Variants in HDAC9 observed in about 807,000 individuals in gnomAD.
HDAC9 encodes histone deacetylase 9, also known as MEF-2 interacting transcription repressor (MITR) protein.
Under a neutral mutation model 139.4 loss-of-function variants are expected in HDAC9, and 41 were observed. The observed-to-expected ratio is 0.29, with a 90% CI of 0.23 to 0.38. The LOEUF (loss-of-function observed/expected upper bound fraction) is 0.38, where lower values mean the gene tolerates loss of function less well. Among genes scored for constraint, HDAC9 ranks in the 10% least tolerant of loss-of-function variants. The pLI is 1.00. For missense variants in HDAC9, 1,147 were observed against 1,297.0 expected (o/e 0.88, Z 1.78); for synonymous variants, 517 against 476.2 (o/e 1.09, Z -1.12).
intron 1 of HDAC9, among the ~76,000 whole-genome samples, chr7:18,145,831 CTAGA>C (rs1390348344): frequency 3.3e-5 from 5 of 152,008 alleles, no homozygotes; most frequent in African/African-American, 1.2e-4. Context: ...GCAAAGTAGC[CTAGA>C]TAGTTTCAGA....
chr7:18,994,013 G>C (rs1010829462), intron 25 of HDAC9, among the ~76,000 whole-genome samples: 2 of 152,162 alleles, frequency 1.3e-5, no homozygotes, highest in African/African-American at 4.8e-5. Context: ...CAACCAAAGA[G>C]GCTTAATTTT....
chr7:18,309,208 C>T (rs906449770), intron 1 of HDAC9, among the ~76,000 whole-genome samples: 5 of 152,134 alleles, frequency 3.3e-5, no homozygotes, highest in East Asian at 1.9e-4. Context: ...AAGGTACACT[C>T]GTCCTTGGTT....
rs1785453986 is a variant in HDAC9, at chr7:18,987,401, A to AT, written c.3171-8621dup. 2.6e-5 allele frequency among the ~76,000 whole-genome samples: 4 copies of AT among 152,226 alleles called. No individual in the cohort carries two copies. The South Asian group carries it at 6.2e-4, about 24-fold the overall frequency. The stretch of plus-strand genomic sequence containing the variant: ...TTTGCATATATTGAACCAGCCTTGC[A>AT]TCCCAGGAATGAAGCCCACTTGATC... On this transcript the variant is annotated intron_variant, in intron 25 of 25. Transcript: ENST00000686413.
At chr7:18,623,285 G>A (rs910603166) in intron 6 of HDAC9, among the ~76,000 whole-genome samples, 3 of 152,112 alleles carry the variant, frequency 2.0e-5, no homozygotes, top group African/African-American at 7.2e-5. Flanking sequence ...AGAAAAATAT[G>A]TGAAGTCAGT....
At chr7:18,317,376 G>A (rs1478765485) in intron 1 of HDAC9, among the ~76,000 whole-genome samples, 1 of 152,052 alleles carries the variant, frequency 6.6e-6, no homozygotes, top group African/African-American at 2.4e-5. Flanking sequence ...ATTCTAAAAA[G>A]TGAATTTATT....
chr7:18,688,856 T>G (rs1782469032), intron 12 of HDAC9, among the ~76,000 whole-genome samples: 1 of 151,926 alleles, frequency 6.6e-6, no homozygotes, highest in Admixed American at 6.6e-5. Flanking sequence ...TAAATATCTT[T>G]CCATGAGACA....
At chr7:18,648,922 G>A (rs1272733269) in intron 11 of HDAC9, among the ~76,000 whole-genome samples, 1 of 152,174 alleles carries the variant, frequency 6.6e-6, no homozygotes, top group African/African-American at 2.4e-5. Flanking sequence ...ATCTTTTTAT[G>A]ATCAGGTATA....
At chr7:18,109,848 A>G (rs1190404687) in intron 1 of HDAC9, among the ~76,000 whole-genome samples, 2 of 152,104 alleles carry the variant, frequency 1.3e-5, no homozygotes, top group Non-Finnish European at 2.9e-5. Context: ...ACTTTTTGTG[A>G]TTCTCCCTCT....
At chr7:18,583,481 A>T (rs1828451823) in intron 2 of HDAC9, among the ~76,000 whole-genome samples, 1 of 151,966 alleles carries the variant, frequency 6.6e-6, no homozygotes, top group East Asian at 1.9e-4. Flanking sequence ...AGAACTTGGG[A>T]GCTCAGGCAG....
intron 12 of HDAC9, among the ~76,000 whole-genome samples, chr7:18,709,392 C>A (rs1343393397): frequency 6.6e-6 from 1 of 152,172 alleles, no homozygotes; most frequent in African/African-American, 2.4e-5. Context: ...CTTTTTATGG[C>A]TGCATAGTAT....
chr7:18,859,963 G>A (rs1163106855), intron 21 of HDAC9, among the ~76,000 whole-genome samples: 1 of 150,232 alleles, frequency 6.7e-6, no homozygotes, highest in African/African-American at 2.4e-5. Context: ...TTTATGGAAT[G>A]CAATCACTTG....
At chr7:18,889,022 A>G (rs1273006539) in intron 22 of HDAC9, among the ~76,000 whole-genome samples, 2 of 152,150 alleles carry the variant, frequency 1.3e-5, no homozygotes, top group African/African-American at 2.4e-5. Flanking sequence ...GTGGCGTATC[A>G]TTCCTCTGCT....
At chr7:18,457,165 C>A (rs1000865093) in intron 1 of HDAC9, among the ~76,000 whole-genome samples, 1 of 152,140 alleles carries the variant, frequency 6.6e-6, no homozygotes, top group Non-Finnish European at 1.5e-5. Context: ...CATTTCTTAA[C>A]CCTTGCTAAT....
At chr7:18,501,198 G>A (rs987269602) in intron 2 of HDAC9, among the ~76,000 whole-genome samples, 4 of 152,082 alleles carry the variant, frequency 2.6e-5, no homozygotes, top group African/African-American at 7.2e-5. Context: ...AACACTGAAT[G>A]CATTTAAACA....
chr7:18,202,355 A>G (rs539748397), intron 2 of HDAC9, among the ~76,000 whole-genome samples: 3 of 152,286 alleles, frequency 2.0e-5, no homozygotes, highest in African/African-American at 7.2e-5. Flanking sequence ...GAGCCCAGAT[A>G]ATATTTAAGT....
intron 1 of HDAC9, among the ~76,000 whole-genome samples, chr7:18,360,734 A>G (rs567767541): frequency 1.9e-3 from 284 of 152,226 alleles, no homozygotes; most frequent in African/African-American, 6.7e-3. Flanking sequence ...CATTGCTGAC[A>G]ATTTTTTTTA....
intron 18 of HDAC9, 86 bp from the exon 19 acceptor site, chr7:18,829,375 A>G (rs533181701): frequency 2.4e-5 from 28 of 1,176,788 alleles, no homozygotes; most frequent in South Asian, 1.9e-4. Context: ...ATCATATAGC[A>G]TTTAAAAAAA....
chr7:18,251,360 A>G (rs558138962), intron 2 of HDAC9, among the ~76,000 whole-genome samples: 1 of 151,972 alleles, frequency 6.6e-6, no homozygotes, highest in Non-Finnish European at 1.5e-5. Context: ...CCTGTTGGAG[A>G]AGAGTGGTGG....
chr7:18,494,872 T>C (rs1028759854), upstream of HDAC9, among the ~76,000 whole-genome samples: 2 of 152,098 alleles, frequency 1.3e-5, no homozygotes, highest in African/African-American at 4.8e-5. Context: ...CTACTTTCTT[T>C]TCCTTTTGCA....
Sources: allele counts gnomAD v4.1 joint callset (sites outside exome capture counted in the v4.1 genomes callset), GRCh38; gene constraint gnomAD v4.1.1; transcripts MANE v1.5; gene names NCBI Gene and HGNC (gene_info 2026-07-23, HGNC 2026-07-21).